Variants in DPY19L2 observed in about 807,000 individuals in gnomAD.
DPY19L2 encodes the protein probable C-mannosyltransferase DPY19L2.
A neutral mutation model predicts 97.9 loss-of-function variants in DPY19L2; 34 were observed. That is an observed-to-expected ratio of 0.35 (90% CI 0.26 to 0.46). The LOEUF is 0.46. DPY19L2 is among the 20% of genes least tolerant of loss of function. The pLI, the probability that DPY19L2 is intolerant of heterozygous loss-of-function variation, is 1.00. For synonymous variants in DPY19L2, 230 were observed against 307.9 expected, an observed-to-expected ratio of 0.75 and a Z score of 2.65; for missense variants, 623 against 911.4, an observed-to-expected ratio of 0.68 and a Z score of 4.07.
chr12:63,613,469 A>T (rs1287289902), intron 11 of DPY19L2, among the ~76,000 whole-genome samples: 2 of 152,162 alleles, frequency 1.3e-5, no homozygotes, highest in Non-Finnish European at 2.9e-5. Context: ...TTAAGCTGAT[A>T]AAGGGCTTCT....
chr12:63,615,831 A>T (rs1342747042), intron 11 of DPY19L2, among the ~76,000 whole-genome samples: 1 of 152,132 alleles, frequency 6.6e-6, no homozygotes, highest in African/African-American at 2.4e-5. Flanking sequence ...ATATAATGGT[A>T]GTTTAAGAAT....
chr12:63,634,703 T>A (rs1278053490), intron 6 of DPY19L2, among the ~76,000 whole-genome samples: 1 of 152,094 alleles, frequency 6.6e-6, no homozygotes, highest in Non-Finnish European at 1.5e-5. Context: ...CAGTCTGAGA[T>A]CCAACTGCAA....
chr12:63,590,201 AC>A (rs781639791), intron 16 of DPY19L2, among the ~76,000 whole-genome samples: 3 of 152,162 alleles, frequency 2.0e-5, no homozygotes, highest in Admixed American at 6.5e-5. Context: ...GTAAACAAAC[AC>A]ATGAAAAGCT....
At chr12:63,637,834 G>A (rs1411882867) in intron 6 of DPY19L2, among the ~76,000 whole-genome samples, 4 of 152,092 alleles carry the variant, frequency 2.6e-5, no homozygotes, top group Non-Finnish European at 5.9e-5. Flanking sequence ...AAGAAAAAGA[G>A]GGACTCCTCC....
chr12:63,590,901 T>C, intron 16 of DPY19L2: 1 of 350,598 alleles, frequency 2.9e-6, no homozygotes, highest in Admixed American at 3.0e-5. Context: ...TACATAGACT[T>C]CCATATTCTG....
intron 18 of DPY19L2, among the ~76,000 whole-genome samples, chr12:63,581,364 C>T (rs1413613549): frequency 6.6e-6 from 1 of 151,942 alleles, no homozygotes; most frequent in Admixed American, 6.6e-5. Flanking sequence ...GTGATAGAAC[C>T]CCAGAATTTC....
chr12:63,589,357 C>CAAAAAAAAAAAAAAAAAAAA (rs71086687), intron 16 of DPY19L2, among the ~76,000 whole-genome samples: 2 of 18,992 alleles, frequency 1.1e-4, no homozygotes, highest in Non-Finnish European at 2.1e-4. Context: ...AAATGTGTTG[C>CAAAAAAAAAAAAAAAAAAAA]AAAAAAAAAA....
chr12:63,613,134 C>T (rs1887283758), intron 11 of DPY19L2, among the ~76,000 whole-genome samples: 2 of 152,054 alleles, frequency 1.3e-5, no homozygotes, highest in African/African-American at 2.4e-5. Context: ...GAAGAGGGAA[C>T]ACTTCATAAC....
intron 14 of DPY19L2, among the ~76,000 whole-genome samples, chr12:63,597,515 A>T (rs1884445606): frequency 6.6e-6 from 1 of 152,050 alleles, no homozygotes; most frequent in Admixed American, 6.6e-5. Flanking sequence ...AGTGGCCTAG[A>T]TTATCAAAAG....
intron 8 of DPY19L2, among the ~76,000 whole-genome samples, chr12:63,621,642 T>C (rs953219227): frequency 6.6e-6 from 1 of 152,028 alleles, no homozygotes; most frequent in African/African-American, 2.4e-5. Context: ...AGCAAGGAGG[T>C]CAGAAAATAG....
At chr12:63,586,510 C>T (rs140683875) in intron 16 of DPY19L2, among the ~76,000 whole-genome samples, 103 of 152,234 alleles carry the variant, frequency 6.8e-4, no homozygotes, top group African/African-American at 2.3e-3. Context: ...AACAGCTCAG[C>T]GCTGAAGCAA....
At chr12:63,626,713 T>A (rs771300107) in intron 6 of DPY19L2, among the ~76,000 whole-genome samples, 187 bp from the exon 7 acceptor site, 8 of 152,150 alleles carry the variant, frequency 5.3e-5, no homozygotes, top group Non-Finnish European at 1.0e-4. Flanking sequence ...AGTGTACGTA[T>A]AAATTAATCT....
intron 16 of DPY19L2, among the ~76,000 whole-genome samples, chr12:63,593,188 G>A (rs968531732): frequency 2.6e-5 from 4 of 152,144 alleles, no homozygotes; most frequent in African/African-American, 7.2e-5. Context: ...TTACACTGTT[G>A]GTGGGACTGT....
chr12:63,616,569 T>C (rs1887862101), intron 11 of DPY19L2, among the ~76,000 whole-genome samples: 1 of 152,138 alleles, frequency 6.6e-6, no homozygotes, highest in South Asian at 2.1e-4. Context: ...TTCTAGGTTC[T>C]GGCTTATAGA....
At chr12:63,614,814 C>A (rs930705431) in intron 11 of DPY19L2, among the ~76,000 whole-genome samples, 7 of 152,118 alleles carry the variant, frequency 4.6e-5, no homozygotes, top group African/African-American at 9.7e-5. Context: ...AGAGAGCCTG[C>A]AACCTATAAT....
At position 63,625,002 on chromosome 12, in the gene DPY19L2, G is replaced by A. The variant is rs1889293721; in HGVS notation, c.862-871C>T. 1.3e-5 allele frequency among the ~76,000 whole-genome samples: 2 copies of A among 152,054 alleles called. 1 individual carries two copies. The highest frequency in any genetic ancestry group is 2.9e-5 in the Non-Finnish European group (2 of 67,996). On this transcript the variant is annotated intron_variant, in intron 7 of 21. Transcript: ENST00000324472. ...CACATTGTTGAATGACAATGCATTT[G>A]TTTGCTTTAAAATAATATATATAAG...
intron 11 of DPY19L2, among the ~76,000 whole-genome samples, chr12:63,608,937 T>A (rs373995680): frequency 6.6e-6 from 1 of 152,104 alleles, no homozygotes; most frequent in East Asian, 1.9e-4. Context: ...TGCAGGCTAA[T>A]TCCTCTACAA....
At chr12:63,633,767 A>G (rs916296604) in intron 6 of DPY19L2, among the ~76,000 whole-genome samples, 8 of 152,220 alleles carry the variant, frequency 5.3e-5, no homozygotes, top group African/African-American at 1.7e-4. Context: ...ATGCACACGT[A>G]TGTTTATTGT....
chr12:63,630,120 T>G (rs544684208), intron 6 of DPY19L2, among the ~76,000 whole-genome samples: 3 of 152,076 alleles, frequency 2.0e-5, no homozygotes, highest in Non-Finnish European at 4.4e-5. Flanking sequence ...ACATGCCAAA[T>G]TGTAAAGACC....
Sources: allele counts gnomAD v4.1 joint callset (sites outside exome capture counted in the v4.1 genomes callset), GRCh38; gene constraint gnomAD v4.1.1; transcripts MANE v1.5; gene names NCBI Gene and HGNC (gene_info 2026-07-23, HGNC 2026-07-21).